HOXC6: variants seen among roughly 807,000 people sequenced by gnomAD.
HOXC6 encodes the protein homeobox C6.
In HOXC6, 10 loss-of-function variants were observed where a neutral mutation model predicts 24.0. The ratio of observed to expected loss-of-function variants is 0.42; its 90% CI spans 0.26 to 0.71. The LOEUF is 0.71. HOXC6 is among the 30% of genes least tolerant of loss of function. HOXC6 has a pLI of 0.28. For missense variants in HOXC6, 258 were observed against 303.4 expected (o/e 0.85, Z 1.11); for synonymous variants, 123 against 128.1 (o/e 0.96, Z 0.27).
At chr12:54,028,409 A>T (rs1326506341), upstream of HOXC6, 3 of 1,230,106 alleles carry the variant, frequency 2.4e-6, no homozygotes, top group African/African-American at 4.6e-5. Flanking sequence ...TGACTTTGTC[A>T]TTTTGTCTGT....
At chr12:54,023,123 T>A (rs376009935) in intron 1 of HOXC6, among the ~76,000 whole-genome samples, 10 of 152,268 alleles carry the variant, frequency 6.6e-5, no homozygotes, top group African/African-American at 2.2e-4. Flanking sequence ...CCCCAGGCTC[T>A]CCCCAAGCCC....
intron 1 of HOXC6, among the ~76,000 whole-genome samples, chr12:54,017,912 T>C (rs1940229650): frequency 6.9e-6 from 1 of 145,072 alleles, no homozygotes. Context: ...GGCAGCCCCC[T>C]CCCTCCCAGA....
chr12:54,029,827 C>A lies in HOXC6; in HGVS notation c.573C>A (p.Asn191Lys). Residue 191 changes from asparagine to lysine, a missense_variant, in exon 2 of 2, where the codon AAC becomes AAA. By Grantham distance (94) the Asn-to-Lys change is moderately conservative (BLOSUM62 0). Transcript: ENST00000243108. Reference sequence around the variant, plus strand: ...GACAGATCAAAATCTGGTTCCAGAACCGCCGGATGAAGTGGAAAAAAGAAT... The same window carrying A: ...GACAGATCAAAATCTGGTTCCAGAAACGCCGGATGAAGTGGAAAAAAGAAT... ...TERQIKIWFQ[N>K]RRMKWKKESN... The A allele has an allele frequency of 6.2e-7, 1 of 1,614,068 alleles. No individual in the cohort carries two copies. The highest frequency in any genetic ancestry group is 8.5e-7 in the Non-Finnish European group (1 of 1,179,988).
Position 54,030,545 on chromosome 12 carries a change from C to G in HOXC6, c.*583C>G, listed in dbSNP as rs924079329. 3.9e-5 allele frequency: 6 copies of G among 152,690 alleles called. No individual in the cohort carries two copies. The highest frequency in any genetic ancestry group is 1.4e-4 in the African/African-American group (6 of 41,462). 9.5% of individuals were successfully genotyped at this position (152,690 alleles called of 1,614,324 possible). A position where few individuals can be genotyped will look rare whatever the true frequency, so the allele number is the denominator to read the frequency against. ...TCCTGGGGGTCATTATGGCATTTTA[C>G]AAACTGTGACCGTTTCTGTGTGAAG... is the stretch of plus-strand genomic sequence containing the variant. On this transcript the variant is annotated 3_prime_UTR_variant, in exon 2 of 2. Coordinates refer to ENST00000243108, the MANE Select transcript of HOXC6 (RefSeq NM_004503.4).
upstream of HOXC6, among the ~76,000 whole-genome samples, chr12:54,026,971 G>GT (rs1432034525): frequency 3.6e-5 from 5 of 138,436 alleles, no homozygotes; most frequent in Non-Finnish European, 6.5e-5. Context: ...TGGTGGGGGG[G>GT]GGGGGATATG....
intron 1 of HOXC6, among the ~76,000 whole-genome samples, chr12:54,017,899 T>C (rs1003968309): frequency 6.6e-6 from 1 of 151,424 alleles, no homozygotes; most frequent in African/African-American, 2.4e-5. Context: ...CCCCTCCCTG[T>C]CTGGCAGCCC....
At position 54,028,703 on chromosome 12, in the gene HOXC6, T is replaced by C. The variant is rs1940844031; in HGVS notation, c.182T>C (p.Val61Ala). The C allele has an allele frequency of 1.2e-6, 2 of 1,614,172 alleles. No homozygotes were observed. Among genetic ancestry groups the C allele is most frequent in the Non-Finnish European group, 1.7e-6 (2 of 1,180,026 alleles). ...CCCTTTTATTCGCCACAGGAGAATG[T>C]CGTGTTCAGTTCCAGCCGGGGGCCG... Reference protein sequence around the residue: ...STPFYSPQENVVFSSSRGPYD... With the variant: ...STPFYSPQENAVFSSSRGPYD... Residue 61 changes from valine (V) to alanine (A), a missense_variant, in exon 1 of 2, where the codon GTC (valine) becomes GCC (alanine). Val to Ala is a moderately conservative substitution (Grantham distance 64). Transcript: ENST00000243108.
Position 54,029,499 on chromosome 12 carries a change from G to A in HOXC6, c.401-156G>A, listed in dbSNP as rs1472171599. On this transcript the variant is annotated intron_variant, in intron 1 of 1. Transcript: ENST00000243108. ...AGTTGGGGTCCTCGCTGTACCCCCA[G>A]TGGGGGTGGGGCAAGGCAAAAGGGA... 8.7e-6 allele frequency: 4 copies of A among 459,772 alleles called. No homozygotes were observed. In the East Asian group the frequency reaches 2.1e-4, roughly 24 times the overall value. The allele number at this position is 459,772 out of a possible 1,614,324, so 28.5% of individuals were successfully genotyped here. A position where few individuals can be genotyped will look rare whatever the true frequency, so the allele number is the denominator to read the frequency against.
chr12:54,028,409 A>AT (rs1351770266), upstream of HOXC6: 19 of 1,230,108 alleles, frequency 1.5e-5, no homozygotes, highest in Non-Finnish European at 1.8e-5. Context: ...TGACTTTGTC[A>AT]TTTTGTCTGT....
Position 54,029,650 on chromosome 12 carries a change from T to A in HOXC6, c.401-5T>A. ...TTTTAGTGTGTTTTGTGCCCGGATC[T>A]TTAGGGGTCGGCTACGGAGCGGACC... is the stretch of plus-strand genomic sequence containing the variant. On this transcript the variant is annotated splice_polypyrimidine_tract_variant and splice_region_variant and intron_variant, in intron 1 of 1. Transcript: ENST00000243108. 6.2e-7 allele frequency: 1 copy of A among 1,610,368 alleles called. No individual in the cohort carries two copies. The highest frequency in any genetic ancestry group is 1.1e-5 in the South Asian group (1 of 90,978).
intron 1 of HOXC6, among the ~76,000 whole-genome samples, chr12:54,018,803 G>A (rs1392663522): frequency 1.3e-5 from 2 of 152,074 alleles, no homozygotes; most frequent in African/African-American, 4.8e-5. Flanking sequence ...GAACCTGGGG[G>A]CCAGACTTAC....
At chr12:54,025,815 A>G (rs1292544034), upstream of HOXC6, among the ~76,000 whole-genome samples, 1 of 152,048 alleles carries the variant, frequency 6.6e-6, no homozygotes, top group African/African-American at 2.4e-5. Flanking sequence ...GAATCTCCCC[A>G]ACTTTGGGGC....
upstream of HOXC6, among the ~76,000 whole-genome samples, chr12:54,024,573 C>A (rs1940604145): frequency 6.6e-6 from 1 of 152,134 alleles, no homozygotes. Context: ...TATCCCTCCC[C>A]AGGAAATTAA....
At chr12:54,026,942 C>T (rs1013931068), upstream of HOXC6, among the ~76,000 whole-genome samples, 6 of 140,020 alleles carry the variant, frequency 4.3e-5, no homozygotes, top group Non-Finnish European at 7.6e-5. Flanking sequence ...GCTTTCCCCC[C>T]CCCCAACCCA....
At chr12:54,022,929 CCCTATTGCGGCTTCTT>C (rs1049499485) in intron 1 of HOXC6, among the ~76,000 whole-genome samples, 14 of 152,286 alleles carry the variant, frequency 9.2e-5, no homozygotes, top group Admixed American at 3.3e-4. Context: ...GCAGCACACC[CCCTATTGCGGCTTCTT>C]CCTCATGTGA....
rs1461490047 is a variant in HOXC6, at chr12:54,030,778, C to G, written c.*816C>G. The G allele has an allele frequency of 6.6e-6, 1 of 152,494 alleles. No individual in the cohort carries two copies. Among genetic ancestry groups the G allele is most frequent in the Non-Finnish European group, 1.5e-5 (1 of 68,048 alleles). 9.4% of individuals were successfully genotyped at this position (152,494 alleles called of 1,614,324 possible). A position where few individuals can be genotyped will look rare whatever the true frequency, so the allele number is the denominator to read the frequency against. On this transcript the variant is annotated 3_prime_UTR_variant, in exon 2 of 2. Transcript: ENST00000243108. ...TCCTGTATAAATCCAACCTCTGGGT[C>G]CGTTCTCGAATATTTAATAAAACTG...
intron 1 of HOXC6, chr12:54,021,221 C>T (rs1940420989): frequency 6.6e-6 from 1 of 152,298 alleles, no homozygotes; most frequent in Admixed American, 6.5e-5. Context: ...CCGCCCCAGC[C>T]CGATTTGCCT....
At chr12:54,029,520 A>AT in intron 1 of HOXC6, 135 bp from the exon 2 acceptor site, 1 of 847,808 alleles carries the variant, frequency 1.2e-6, no homozygotes, top group East Asian at 2.8e-5. Flanking sequence ...GCAAGGCAAA[A>AT]GGGAGAAGGC....
chr12:54,028,571 G>C lies in HOXC6; in HGVS notation c.50G>C (p.Gly17Ala), dbSNP rs200139629. The C allele has an allele frequency of 1.7e-4, 269 of 1,613,940 alleles. No individual in the cohort carries two copies. Among genetic ancestry groups the C allele is most frequent in the Non-Finnish European group, 2.2e-4 (262 of 1,180,010 alleles). ...NPSLSCHLAG[G>A]QDVLPNVALN... ...TCCTTATCCTGCCACCTCGCCGGGGGCCAGGACGTCCTCCCCAACGTCGCC... is the reference window on the plus strand; with the variant it reads ...TCCTTATCCTGCCACCTCGCCGGGGCCCAGGACGTCCTCCCCAACGTCGCC... The change falls in exon 1 of 2, where the codon GGC (glycine) becomes GCC (alanine). Residue 17 changes from glycine (G) to alanine (A), a missense_variant. Gly to Ala is a moderately conservative substitution (Grantham distance 60, BLOSUM62 0). Coordinates refer to ENST00000243108, the MANE Select transcript of HOXC6 (RefSeq NM_004503.4).
Sources: gnomAD v4.1 joint callset for allele counts (sites outside exome capture counted in the v4.1 genomes callset) on GRCh38, gnomAD v4.1.1 for gene constraint, MANE v1.5 for transcripts, NCBI Gene and HGNC (gene_info 2026-07-23, HGNC 2026-07-21) for gene names.